SLC22A25: variants seen among roughly 807,000 people sequenced by gnomAD.
The protein encoded by SLC22A25 is MGI:2442751, MGI:2385316, MGI:3042283, MGI:3645714, MGI:3605624, MGI:2442750.
SLC22A25 carries 44 observed loss-of-function variants against 45.9 expected under a neutral mutation model. The ratio of observed to expected loss-of-function variants is 0.96; its 90% CI spans 0.75 to 1.23. The LOEUF is 1.23. Among genes scored for constraint, SLC22A25 ranks in the 50% most tolerant of loss-of-function variants. The pLI, the probability that SLC22A25 is intolerant of heterozygous loss-of-function variation, is 0.00. For synonymous variants in SLC22A25, 283 were observed against 238.6 expected (o/e 1.19, Z -1.72); for missense variants, 800 against 666.4 (o/e 1.20, Z -2.21).
At chr11:63,166,618 A>C in intron 9 of SLC22A25, 1 of 1,025,156 alleles carries the variant, frequency 9.8e-7, no homozygotes, top group Admixed American at 5.3e-5. Flanking sequence ...TTAAAAATAA[A>C]AATGTACTGA....
chr11:63,243,225 G>T, intron 1 of SLC22A25: 1 of 316,424 alleles, frequency 3.2e-6, no homozygotes, highest in Admixed American at 4.1e-5. Context: ...TCAAGTGTGT[G>T]CAGAAGGCCA....
At chr11:63,167,842 G>C (rs901499778) in intron 9 of SLC22A25, 1 of 230,878 alleles carries the variant, frequency 4.3e-6, no homozygotes, top group Non-Finnish European at 8.9e-6. Context: ...TCCTTAAGTG[G>C]GTCACTAACA....
rs1324769659 is a variant in SLC22A25, at chr11:63,158,519, A to ATAGG, written c.*5301_*5304dup. 1.3e-5 allele frequency among the ~76,000 whole-genome samples: 2 copies of ATAGG among 152,312 alleles called. No individual in the cohort carries two copies. Among genetic ancestry groups the ATAGG allele is most frequent in the East Asian group, 3.9e-4 (2 of 5,186 alleles). On this transcript the variant is annotated 3_prime_UTR_variant, in exon 12 of 12. Coordinates refer to ENST00000306494, the MANE Select transcript of SLC22A25 (RefSeq NM_199352.6). ...TATGGGGTGTATGAGATGTTCTGAT[A>ATAGG]TAGGTATGCAATGTGTAATTATCTT...
chr11:63,207,772 C>T (rs1472231109), intron 7 of SLC22A25, among the ~76,000 whole-genome samples: 2 of 152,162 alleles, frequency 1.3e-5, no homozygotes, highest in Non-Finnish European at 2.9e-5. Context: ...TGTGTAGCTG[C>T]AAGGTCACTA....
At chr11:63,166,833 C>T (rs1449590555) in intron 9 of SLC22A25, 1 of 985,034 alleles carries the variant, frequency 1.0e-6, no homozygotes, top group Non-Finnish European at 1.2e-6. Context: ...TGGTGTCTAA[C>T]TTCATTATGG....
At chr11:63,227,952 C>A (rs1050229854) in intron 5 of SLC22A25, among the ~76,000 whole-genome samples, 1 of 152,218 alleles carries the variant, frequency 6.6e-6, no homozygotes, top group Admixed American at 6.5e-5. Context: ...TTGCTGTGCT[C>A]TTCCTCCCCC....
intron 1 of SLC22A25, among the ~76,000 whole-genome samples, chr11:63,239,375 T>C (rs2090212443): frequency 6.6e-6 from 1 of 152,188 alleles, no homozygotes; most frequent in South Asian, 2.1e-4. Flanking sequence ...ATGAAATCTG[T>C]TTAAAGTTCT....
chr11:63,233,462 C>A (rs2090107589), intron 3 of SLC22A25, among the ~76,000 whole-genome samples: 1 of 152,170 alleles, frequency 6.6e-6, no homozygotes, highest in Non-Finnish European at 1.5e-5. Flanking sequence ...GTTTCTATTT[C>A]TGTGGAATTG....
chr11:63,171,687 T>G (rs566466094), intron 9 of SLC22A25, among the ~76,000 whole-genome samples: 1 of 152,294 alleles, frequency 6.6e-6, no homozygotes, highest in East Asian at 1.9e-4. Flanking sequence ...AAACATTCCA[T>G]GCTCATGGAT....
intron 1 of SLC22A25, among the ~76,000 whole-genome samples, chr11:63,241,457 C>G (rs1037101128): frequency 1.3e-5 from 2 of 152,118 alleles, no homozygotes; most frequent in Non-Finnish European, 1.5e-5. Context: ...AGGTGCATCC[C>G]CATGCCTCTT....
Position 63,236,115 on chromosome 11 carries a change from G to A in SLC22A25, c.-445+1766C>T, listed in dbSNP as rs772028357. On this transcript the variant is annotated intron_variant, in intron 3 of 11. Coordinates refer to ENST00000306494, the MANE Select transcript of SLC22A25 (RefSeq NM_199352.6). The stretch of plus-strand genomic sequence containing the variant: ...AGGGACCCACTTGAGGAGGCAGTCT[G>A]CCTGTTCTCAGATCTCAAGCTGCGT... 1.2e-4 allele frequency among the ~76,000 whole-genome samples: 19 copies of A among 152,324 alleles called. No homozygotes were observed. In the East Asian group the frequency reaches 1.9e-3, roughly 15 times the overall value.
chr11:63,172,852 C>T (rs891129294), intron 9 of SLC22A25, among the ~76,000 whole-genome samples: 1 of 152,026 alleles, frequency 6.6e-6, no homozygotes, highest in Non-Finnish European at 1.5e-5. Flanking sequence ...TTGGACCCAG[C>T]AATCCAATTA....
chr11:63,164,127 T>G, intron 11 of SLC22A25, 54 bp from the exon 12 acceptor site: 1 of 1,521,342 alleles, frequency 6.6e-7, no homozygotes, highest in Non-Finnish European at 8.8e-7. Context: ...TACATATAAT[T>G]TGTGATTTAT....
chr11:63,235,819 T>TTGG (rs932777401), intron 3 of SLC22A25, among the ~76,000 whole-genome samples: 3 of 152,220 alleles, frequency 2.0e-5, no homozygotes, highest in African/African-American at 7.2e-5. Context: ...AGATGGGTTT[T>TTGG]TGGTGTGGAT....
chr11:63,170,859 C>A (rs186859760), intron 9 of SLC22A25, among the ~76,000 whole-genome samples: 20 of 151,950 alleles, frequency 1.3e-4, no homozygotes, highest in African/African-American at 4.8e-4. Flanking sequence ...GAGACACAAC[C>A]AGAAAAGAAA....
At chr11:63,169,398 T>G (rs1346648678) in intron 9 of SLC22A25, among the ~76,000 whole-genome samples, 2 of 151,804 alleles carry the variant, frequency 1.3e-5, no homozygotes, top group African/African-American at 4.9e-5. Flanking sequence ...CAAGACCCAC[T>G]GGTGTGCTGT....
intron 9 of SLC22A25, among the ~76,000 whole-genome samples, chr11:63,171,363 A>T (rs912210004): frequency 1.6e-4 from 24 of 152,206 alleles, no homozygotes; most frequent in African/African-American, 5.8e-4. Context: ...GAAGAGAAGA[A>T]GTCAAATTGT....
In SLC22A25 at chr11:63,217,422, G is replaced by A; in HGVS notation, c.722C>T (p.Ala241Val). The change falls in exon 7 of 12, where the codon GCT (alanine) becomes GTT (valine). Residue 241 changes from alanine (A) to valine (V), a missense_variant. By Grantham distance (64) the Ala-to-Val change is moderately conservative (BLOSUM62 0). Coordinates refer to ENST00000306494, the MANE Select transcript of SLC22A25 (RefSeq NM_199352.6). ...AMALTLTLCA[A>V]SIGHITLGSL... ...TCCCAGGGTTATATGTCCAATACTA[G>A]CAGCACAAAGTGTCAATGTCAATGC... 6.2e-7 allele frequency: 1 copy of A among 1,614,060 alleles called. No individual in the cohort carries two copies. Among genetic ancestry groups the A allele is most frequent in the Non-Finnish European group, 8.5e-7 (1 of 1,180,008 alleles).
chr11:63,185,265 C>T (rs1340346725), intron 7 of SLC22A25, among the ~76,000 whole-genome samples: 1 of 151,756 alleles, frequency 6.6e-6, no homozygotes, highest in African/African-American at 2.4e-5. Context: ...TTAGTTATAT[C>T]TCCTAATGCT....
Sources: allele counts gnomAD v4.1 joint callset (sites outside exome capture counted in the v4.1 genomes callset), GRCh38; gene constraint gnomAD v4.1.1; transcripts MANE v1.5; gene names NCBI Gene and HGNC (gene_info 2026-07-23, HGNC 2026-07-21).